PTPRM: variants seen among roughly 807,000 people sequenced by gnomAD.
PTPRM encodes the protein protein tyrosine phosphatase receptor type M.
A neutral mutation model predicts 186.7 loss-of-function variants in PTPRM; 47 were observed. The observed-to-expected ratio is 0.25, with a 90% CI of 0.20 to 0.32. The LOEUF (loss-of-function observed/expected upper bound fraction) is 0.32. Among genes scored for constraint, PTPRM ranks in the 10% least tolerant of loss-of-function variants. The pLI, the probability that PTPRM is intolerant of heterozygous loss-of-function variation, is 1.00. For synonymous variants in PTPRM, 668 were observed against 674.9 expected (o/e 0.99, Z 0.16); for missense variants, 1,494 against 1,865.0 (o/e 0.80, Z 3.66).
At chr18:7,730,258 G>A (rs1471463591) in intron 1 of PTPRM, among the ~76,000 whole-genome samples, 1 of 152,082 alleles carries the variant, frequency 6.6e-6, no homozygotes, top group Non-Finnish European at 1.5e-5. Flanking sequence ...CTTTTTCTCT[G>A]TTACGTACTG....
chr18:8,153,999 G>T (rs2058469), intron 14 of PTPRM, among the ~76,000 whole-genome samples: 1 of 152,088 alleles, frequency 6.6e-6, no homozygotes, highest in African/African-American at 2.4e-5. Flanking sequence ...ACACTACTAC[G>T]CATTTGCTAT....
At chr18:7,630,310 G>A (rs2038161450) in intron 1 of PTPRM, among the ~76,000 whole-genome samples, 1 of 152,120 alleles carries the variant, frequency 6.6e-6, no homozygotes, top group Non-Finnish European at 1.5e-5. Context: ...AGAGGGAGGA[G>A]GGTGTTTCCC....
rs373210275 is a variant in PTPRM, at chr18:7,832,612, T to G, written c.197-55494T>G. On this transcript the variant is annotated intron_variant, in intron 2 of 32. Coordinates refer to ENST00000580170, the MANE Select transcript of PTPRM (RefSeq NM_001105244.2). ...TATTTCCTTTGCTGTGCAGAAGCTT[T>G]TTAACTTGATGTAGTCCCATTTGTC... 2.3e-4 allele frequency among the ~76,000 whole-genome samples: 35 copies of G among 152,304 alleles called. 1 individual carries two copies. In the East Asian group the frequency reaches 2.7e-3, roughly 12 times the overall value.
intron 1 of PTPRM, among the ~76,000 whole-genome samples, chr18:7,718,217 C>T (rs2040379793): frequency 1.3e-5 from 2 of 152,052 alleles, no homozygotes; most frequent in Non-Finnish European, 2.9e-5. Flanking sequence ...TAAAAATAGA[C>T]ACATAGAACA....
At chr18:8,057,452 A>AT (rs2088090486) in intron 7 of PTPRM, among the ~76,000 whole-genome samples, 4 of 60,728 alleles carry the variant, frequency 6.6e-5, no homozygotes, top group Middle Eastern at 0.017. Context: ...TTTTTTAGCT[A>AT]TTCTTTTTTT....
chr18:8,041,085 C>T (rs953955632), intron 7 of PTPRM, among the ~76,000 whole-genome samples: 1 of 152,164 alleles, frequency 6.6e-6, no homozygotes, highest in Admixed American at 6.5e-5. Context: ...ATAGCAGGAA[C>T]GTCCTTCTAC....
chr18:8,243,262 C>A (rs1447071652), intron 14 of PTPRM, among the ~76,000 whole-genome samples: 1 of 152,162 alleles, frequency 6.6e-6, no homozygotes, highest in Non-Finnish European at 1.5e-5. Context: ...AATTAGAAAT[C>A]TCTCTGCTTT....
rs185903167 is a variant in PTPRM at position 8,115,310 on chromosome 18, C to T, written c.2167+483C>T. 4.6e-3 allele frequency among the ~76,000 whole-genome samples: 701 copies of T among 152,168 alleles called. 3 individuals carry two copies. The highest frequency in any genetic ancestry group is 8.1e-3 in the South Asian group (39 of 4,816). Reference sequence around the variant, plus strand: ...TGCGTGTCTCTCTGAACCTAGTAACCAGGTTATGTTGCTGTGGAGCATCTA... The same window carrying T: ...TGCGTGTCTCTCTGAACCTAGTAACTAGGTTATGTTGCTGTGGAGCATCTA... On this transcript the variant is annotated intron_variant, in intron 13 of 32. Transcript: ENST00000580170.
intron 1 of PTPRM, among the ~76,000 whole-genome samples, chr18:7,586,597 G>C (rs991355111): frequency 2.0e-5 from 3 of 152,142 alleles, no homozygotes; most frequent in African/African-American, 7.2e-5. Flanking sequence ...CAGTTCCAAG[G>C]TCTGTGGGGC....
intron 1 of PTPRM, among the ~76,000 whole-genome samples, chr18:7,656,503 GCGATGGTTGCTTAA>G (rs1217923976): frequency 1.3e-5 from 2 of 152,206 alleles, no homozygotes; most frequent in East Asian, 3.9e-4. Flanking sequence ...AGTTCTGGTG[GCGATGGTTGCTTAA>G]CACTGTAAAT....
intron 14 of PTPRM, among the ~76,000 whole-genome samples, chr18:8,238,666 T>G (rs796898409): frequency 0.23 from 31,119 of 136,306 alleles, 4,320 homozygotes; most frequent in African/African-American, 0.31. Context: ...TTTTTTTTTT[T>G]TTTTTTTTTT....
Position 8,387,132 on chromosome 18 carries a change from G to A in PTPRM, c.4105G>A (p.Asp1369Asn). 1 of 1,612,328 alleles carries A rather than the reference G, an allele frequency of 6.2e-7. No individual in the cohort carries two copies. The change falls in exon 31 of 33, where the codon GAC (aspartate) becomes AAC (asparagine). Residue 1369 changes from aspartate to asparagine, a missense_variant. Coordinates refer to ENST00000580170, the MANE Select transcript of PTPRM (RefSeq NM_001105244.2). Reference sequence around the variant, plus strand: ...GTTCCTGGGCTGGCCGATGTACAGGGACACACCAGTGTCTAAGCGCTCCTT... The same window carrying A: ...GTTCCTGGGCTGGCCGATGTACAGGAACACACCAGTGTCTAAGCGCTCCTT... ...FQFLGWPMYR[D>N]TPVSKRSFLK...
At chr18:7,738,432 T>C (rs368644288) in intron 1 of PTPRM, among the ~76,000 whole-genome samples, 125 of 152,120 alleles carry the variant, frequency 8.2e-4, no homozygotes, top group African/African-American at 2.9e-3. Flanking sequence ...CCCAGTTTAT[T>C]CAACTTTTGG....
At chr18:7,616,225 C>T (rs1196348309) in intron 1 of PTPRM, among the ~76,000 whole-genome samples, 1 of 152,172 alleles carries the variant, frequency 6.6e-6, no homozygotes, top group Non-Finnish European at 1.5e-5. Context: ...GGTGCCATCA[C>T]TGCTCACTGC....
chr18:8,367,434 A>G (rs1033873286), intron 23 of PTPRM, among the ~76,000 whole-genome samples: 1 of 152,240 alleles, frequency 6.6e-6, no homozygotes, highest in Non-Finnish European at 1.5e-5. Flanking sequence ...GTGCGAAGTC[A>G]GCACCGTGCC....
At chr18:7,608,105 G>A (rs2037580786) in intron 1 of PTPRM, among the ~76,000 whole-genome samples, 1 of 152,174 alleles carries the variant, frequency 6.6e-6, no homozygotes, top group African/African-American at 2.4e-5. Context: ...AGAGGCATCA[G>A]GCTGACTGAT....
intron 7 of PTPRM, among the ~76,000 whole-genome samples, chr18:8,020,051 GC>G (rs1235473347): frequency 1.3e-5 from 2 of 151,948 alleles, no homozygotes; most frequent in Non-Finnish European, 2.9e-5. Flanking sequence ...CAAGGAGAAG[GC>G]TTGATGATGC....
chr18:8,273,189 G>A (rs1258449157), intron 19 of PTPRM, among the ~76,000 whole-genome samples: 1 of 151,968 alleles, frequency 6.6e-6, no homozygotes, highest in African/African-American at 2.4e-5. Context: ...AGTTTATTGT[G>A]GTTCATGATA....
intron 7 of PTPRM, among the ~76,000 whole-genome samples, chr18:7,956,604 A>G (rs2053328933): frequency 6.6e-6 from 1 of 152,130 alleles, no homozygotes; most frequent in South Asian, 2.1e-4. Flanking sequence ...TCCTCGTGGC[A>G]CCTTTGTGCA....
Sources: allele counts gnomAD v4.1 joint callset (sites outside exome capture counted in the v4.1 genomes callset), GRCh38; gene constraint gnomAD v4.1.1; transcripts MANE v1.5; gene names NCBI Gene and HGNC (gene_info 2026-07-23, HGNC 2026-07-21).